Variants in COBL observed in about 807,000 individuals in gnomAD.
COBL encodes the protein cordon-bleu WH2 repeat protein.
Under a neutral mutation model 98.8 loss-of-function variants are expected in COBL, and 51 were observed. That is an observed-to-expected ratio of 0.52 (90% CI 0.41 to 0.65). The LOEUF is 0.65. Ranked by LOEUF, COBL falls within the 30% of genes least tolerant of loss-of-function variation. The probability of loss-of-function intolerance (pLI) is 0.00; values close to 1 mark genes in which losing one functional copy is unlikely to be tolerated. For synonymous variants in COBL, 634 were observed against 651.7 expected (o/e 0.97, Z 0.41); for missense variants, 1,617 against 1,617.5 (o/e 1.00, Z 0.01).
intron 1 of COBL, among the ~76,000 whole-genome samples, chr7:51,239,709 T>C (rs1449998509): frequency 6.6e-6 from 1 of 152,224 alleles, no homozygotes; most frequent in Non-Finnish European, 1.5e-5. Flanking sequence ...GTAAGAATAC[T>C]ACTCGATGGG....
chr7:51,213,666 T>C (rs1361330345), intron 2 of COBL, among the ~76,000 whole-genome samples: 4 of 152,086 alleles, frequency 2.6e-5, no homozygotes, highest in Non-Finnish European at 5.9e-5. Flanking sequence ...AAGGATGCAG[T>C]TTCTGAGAGG....
intron 6 of COBL, among the ~76,000 whole-genome samples, chr7:51,135,429 A>C (rs1168878300): frequency 1.3e-5 from 2 of 152,180 alleles, no homozygotes; most frequent in African/African-American, 4.8e-5. Context: ...GAGATGGATG[A>C]CCAGAGGACC....
At chr7:51,116,405 C>A (rs1166484824) in intron 6 of COBL, among the ~76,000 whole-genome samples, 1 of 152,138 alleles carries the variant, frequency 6.6e-6, no homozygotes, top group African/African-American at 2.4e-5. Context: ...TATAACCCTT[C>A]ACATCAAATG....
intron 4 of COBL, among the ~76,000 whole-genome samples, chr7:51,186,832 TAGG>T (rs768802328): frequency 9.2e-5 from 14 of 152,114 alleles, no homozygotes; most frequent in Non-Finnish European, 1.9e-4. Flanking sequence ...GGGAGCAAAG[TAGG>T]AGAACTCAGT....
intron 7 of COBL, among the ~76,000 whole-genome samples, chr7:51,062,799 T>C (rs1045574950): frequency 9.9e-5 from 15 of 151,802 alleles, no homozygotes; most frequent in African/African-American, 3.6e-4. Context: ...CTGCAGGGGG[T>C]GGCATGAGCA....
chr7:51,045,674 C>T, intron 7 of COBL, among the ~76,000 whole-genome samples: 1 of 152,182 alleles, frequency 6.6e-6, no homozygotes, highest in East Asian at 1.9e-4. Flanking sequence ...CTGGTACATG[C>T]CCTCTGGAGG....
intron 7 of COBL, among the ~76,000 whole-genome samples, chr7:51,046,677 C>T (rs2214499): frequency 0.31 from 47,136 of 151,822 alleles, 8,037 homozygotes; most frequent in East Asian, 0.45. Flanking sequence ...AAAAGGAAAA[C>T]GTGGAGCTGC....
chr7:51,207,460 C>G (rs112056237), intron 2 of COBL, among the ~76,000 whole-genome samples: 1 of 152,174 alleles, frequency 6.6e-6, no homozygotes, highest in Admixed American at 6.5e-5. Flanking sequence ...TCTCTTTCCA[C>G]GGTCTCCCTC....
At chr7:51,235,463 A>T (rs565109124) in intron 1 of COBL, among the ~76,000 whole-genome samples, 106 of 152,228 alleles carry the variant, frequency 7.0e-4, no homozygotes, top group African/African-American at 2.5e-3. Flanking sequence ...TAGCCCCCAG[A>T]CACCTTGAAC....
intron 6 of COBL, among the ~76,000 whole-genome samples, chr7:51,107,852 A>G (rs1020523658): frequency 2.0e-5 from 3 of 152,214 alleles, no homozygotes; most frequent in African/African-American, 7.2e-5. Context: ...ATGTAAATCA[A>G]GCCAAGAGAT....
At chr7:51,207,843 G>C (rs1415158258) in intron 2 of COBL, among the ~76,000 whole-genome samples, 10 of 152,086 alleles carry the variant, frequency 6.6e-5, no homozygotes, top group Admixed American at 3.3e-4. Context: ...GCCTCTGCCC[G>C]GCCACCACCC....
intron 6 of COBL, among the ~76,000 whole-genome samples, chr7:51,106,806 A>T (rs1178839221): frequency 6.6e-6 from 1 of 152,152 alleles, no homozygotes; most frequent in Non-Finnish European, 1.5e-5. Flanking sequence ...TTAATTACAG[A>T]AAGAAAAATA....
At chr7:51,209,856 A>C (rs1792240199) in intron 2 of COBL, among the ~76,000 whole-genome samples, 1 of 152,162 alleles carries the variant, frequency 6.6e-6, no homozygotes, top group African/African-American at 2.4e-5. Flanking sequence ...CAGTTGTCAA[A>C]CACAAAAATT....
At chr7:51,146,266 G>T (rs1012952608) in intron 5 of COBL, among the ~76,000 whole-genome samples, 1 of 152,096 alleles carries the variant, frequency 6.6e-6, no homozygotes, top group Admixed American at 6.5e-5. Flanking sequence ...CACAAATTTG[G>T]GTACTCTATT....
chr7:51,173,054 G>C (rs968871175), intron 5 of COBL, among the ~76,000 whole-genome samples: 3 of 152,144 alleles, frequency 2.0e-5, no homozygotes, highest in African/African-American at 7.2e-5. Flanking sequence ...CTCCCAAAAT[G>C]CTAGGATTAC....
intron 1 of COBL, among the ~76,000 whole-genome samples, chr7:51,230,491 T>G (rs1451003663): frequency 6.6e-6 from 1 of 151,996 alleles, no homozygotes; most frequent in African/African-American, 2.4e-5. Context: ...ACACATGGGA[T>G]TCTATCTGAC....
intron 8 of COBL, 104 bp from the exon 9 acceptor site, chr7:51,031,013 A>C: frequency 1.3e-6 from 1 of 795,758 alleles, no homozygotes; most frequent in Non-Finnish European, 2.1e-6. Flanking sequence ...ACTCAAATTC[A>C]AGCAGTCACA....
chr7:51,252,885 A>G (rs933953473), intron 1 of COBL, among the ~76,000 whole-genome samples: 6 of 152,294 alleles, frequency 3.9e-5, no homozygotes, highest in South Asian at 2.1e-4. Context: ...GCACTCAAAC[A>G]TGATTCTTGC....
At chr7:51,107,084 G>GTTTTTTTTTTTTTTTTTTTTTT in intron 6 of COBL, among the ~76,000 whole-genome samples, 1 of 109,312 alleles carries the variant, frequency 9.1e-6, no homozygotes, top group Non-Finnish European at 1.9e-5. Context: ...TGTGATCCTA[G>GTTTTTTTTTTTTTTTTTTTTTT]TTTGTTTGTT....
Sources: gnomAD v4.1 joint callset for allele counts (sites outside exome capture counted in the v4.1 genomes callset) on GRCh38, gnomAD v4.1.1 for gene constraint, MANE v1.5 for transcripts, NCBI Gene and HGNC (gene_info 2026-07-23, HGNC 2026-07-21) for gene names.